The following EDARADD variants were observed in gnomAD, a reference collection of about 807,000 sequenced individuals.
EDARADD encodes EDAR associated via death domain.
In EDARADD, 20 loss-of-function variants were observed where a neutral mutation model predicts 25.6. The ratio of observed to expected loss-of-function variants is 0.78; its 90% CI spans 0.55 to 1.14. EDARADD has a LOEUF of 1.14. EDARADD is among the 50% of genes most tolerant of loss of function. The probability of loss-of-function intolerance (pLI) is 0.00; values close to 1 mark genes in which losing one functional copy is unlikely to be tolerated. For synonymous variants in EDARADD, 86 were observed against 94.4 expected (o/e 0.91, Z 0.52); for missense variants, 225 against 270.1 (o/e 0.83, Z 1.17).
chr1:236,383,588 C>A (rs957376991), intron 3 of EDARADD, among the ~76,000 whole-genome samples: 2 of 152,056 alleles, frequency 1.3e-5, no homozygotes, highest in African/African-American at 4.8e-5. Flanking sequence ...GTTACTCTAT[C>A]TTGGTTGCAA....
At chr1:236,475,890 A>G (rs1222914257) in intron 5 of EDARADD, among the ~76,000 whole-genome samples, 1 of 152,292 alleles carries the variant, frequency 6.6e-6, no homozygotes, top group East Asian at 1.9e-4. Flanking sequence ...TCATAAACTC[A>G]GTTTAAAGAA....
chr1:236,401,899 G>A (rs1667618022), intron 1 of EDARADD, among the ~76,000 whole-genome samples: 2 of 152,224 alleles, frequency 1.3e-5, no homozygotes. Context: ...TATAAAAAGG[G>A]GAAATGGGAC....
In EDARADD at chr1:236,484,704, C is replaced by T; in HGVS notation, c.*2055C>T. 4.1e-6 allele frequency: 1 copy of T among 241,644 alleles called. No individual in the cohort carries two copies. Among genetic ancestry groups the T allele is most frequent in the South Asian group, 8.7e-5 (1 of 11,490 alleles). The allele number at this position is 241,644 out of a possible 1,614,324, so 15.0% of individuals were successfully genotyped here. On this transcript the variant is annotated 3_prime_UTR_variant, in exon 6 of 6. Coordinates refer to ENST00000334232, the MANE Select transcript of EDARADD (RefSeq NM_145861.4). The surrounding 1 kb of genome is among the most constrained non-coding windows in gnomAD (Gnocchi z 4.1). ...GTCTGGAGACAGAGTGAGAGTCCGT[C>T]CCAGAAAAAAAAAAAAAAAAAAAGA... is the stretch of plus-strand genomic sequence containing the variant.
intron 5 of EDARADD, among the ~76,000 whole-genome samples, chr1:236,476,065 G>A (rs796711182): frequency 5.3e-5 from 8 of 152,178 alleles, no homozygotes; most frequent in African/African-American, 9.6e-5. Context: ...GTTGGCTGGC[G>A]CCTGTAATCT....
intron 5 of EDARADD, among the ~76,000 whole-genome samples, chr1:236,480,135 A>ATC (rs1553271638): frequency 7.4e-6 from 1 of 135,536 alleles, no homozygotes; most frequent in Non-Finnish European, 1.6e-5. Flanking sequence ...ATATATATAT[A>ATC]TCACATTTTC....
chr1:236,383,168 A>G (rs1667319976), intron 3 of EDARADD, among the ~76,000 whole-genome samples: 2 of 151,998 alleles, frequency 1.3e-5, no homozygotes, highest in Admixed American at 6.6e-5. Context: ...GCCAAGATGG[A>G]CATATCACCT....
chr1:236,390,379 C>A (rs770735154), upstream of EDARADD, among the ~76,000 whole-genome samples: 59 of 152,154 alleles, frequency 3.9e-4, no homozygotes, highest in Admixed American at 1.2e-3. Flanking sequence ...CACGGTGAAA[C>A]CCCATCTCTA....
intron 4 of EDARADD, among the ~76,000 whole-genome samples, chr1:236,436,171 T>C (rs1215972046): frequency 6.6e-6 from 1 of 151,886 alleles, no homozygotes; most frequent in Admixed American, 6.6e-5. Flanking sequence ...TTTCCTTTTT[T>C]TTTTTAGATG....
At chr1:236,468,152 TTAAC>T (rs1375391590) in intron 4 of EDARADD, 75 bp from the exon 5 acceptor site, 2 of 1,464,070 alleles carry the variant, frequency 1.4e-6, no homozygotes, top group Admixed American at 3.4e-5. Flanking sequence ...TGGTGGAAAT[TTAAC>T]TAAGTTGGAA....
intron 4 of EDARADD, among the ~76,000 whole-genome samples, chr1:236,461,112 G>A (rs1044436965): frequency 2.0e-5 from 3 of 152,070 alleles, no homozygotes; most frequent in Non-Finnish European, 4.4e-5. Flanking sequence ...ATGAGCCACC[G>A]TGCCCAGCCT....
intron 4 of EDARADD, among the ~76,000 whole-genome samples, chr1:236,464,511 CAA>C (rs1257332601): frequency 7.1e-6 from 1 of 141,086 alleles, no homozygotes; most frequent in African/African-American, 2.6e-5. Flanking sequence ...CGGCTCAATG[CAA>C]CCTCCGCCTC....
At chr1:236,360,168 A>T (rs1667029366) in intron 3 of EDARADD, among the ~76,000 whole-genome samples, 2 of 152,088 alleles carry the variant, frequency 1.3e-5, no homozygotes, top group Admixed American at 1.3e-4. Context: ...AAAATTAAAA[A>T]AAAATTAGTT....
At chr1:236,363,785 C>A (rs1667081790) in intron 3 of EDARADD, among the ~76,000 whole-genome samples, 1 of 152,160 alleles carries the variant, frequency 6.6e-6, no homozygotes, top group Admixed American at 6.5e-5. Context: ...TTCCTGAGGC[C>A]TCCCTAGAAG....
At chr1:236,467,425 C>T (rs1022543451) in intron 4 of EDARADD, among the ~76,000 whole-genome samples, 86 of 47,280 alleles carry the variant, frequency 1.8e-3, no homozygotes, top group Non-Finnish European at 2.0e-3. Context: ...CACACACACG[C>T]GCACACACAC....
At position 236,484,532 on chromosome 1, in the gene EDARADD, C is replaced by A; in HGVS notation, c.*1883C>A. ...AATTAGACCCCTCCCCTTGTGTCAA[C>A]TCCGGCAGCTCAAGACCCCCGAGCA... On this transcript the variant is annotated 3_prime_UTR_variant, in exon 6 of 6. Transcript: ENST00000334232. This position sits in a 1 kb window ranked among gnomAD's most constrained non-coding sequence, Gnocchi z 4.1. The A allele has an allele frequency of 7.3e-7, 1 of 1,361,196 alleles. No homozygotes were observed. The highest frequency in any genetic ancestry group is 1.0e-6 in the Non-Finnish European group (1 of 966,510). 84.3% of individuals were successfully genotyped at this position (1,361,196 alleles called of 1,614,324 possible). A position where few individuals can be genotyped will look rare whatever the true frequency, so the allele number is the denominator to read the frequency against.
intron 4 of EDARADD, among the ~76,000 whole-genome samples, chr1:236,467,453 CACAT>C (rs776178206): frequency 0.024 from 3,560 of 149,240 alleles, 122 homozygotes; most frequent in East Asian, 0.18. Flanking sequence ...CACACACACA[CACAT>C]ACACACACCT....
chr1:236,446,410 G>A (rs1658539606), intron 4 of EDARADD, among the ~76,000 whole-genome samples: 2 of 152,094 alleles, frequency 1.3e-5, no homozygotes, highest in South Asian at 2.1e-4. Flanking sequence ...AATTTAGCTG[G>A]GGATGGTGGC....
chr1:236,393,499 G>A (rs60596366), upstream of EDARADD, among the ~76,000 whole-genome samples: 243 of 138,442 alleles, frequency 1.8e-3, no homozygotes, highest in African/African-American at 6.1e-3. Flanking sequence ...AGGTTCAAGC[G>A]ATTCTTTTGC....
At position 236,395,580 on chromosome 1, in the gene EDARADD, G is replaced by A. The variant is rs1667500416; in HGVS notation, c.61+1075G>A. 6.5e-7 allele frequency: 1 copy of A among 1,545,816 alleles called. No individual in the cohort carries two copies. The highest frequency in any genetic ancestry group is 8.7e-7 in the Non-Finnish European group (1 of 1,147,834). ...TGGTCCCACGGTCCTCCCGCGCCCC[G>A]GAGGCCTGCCAGCCCCGCTCGGACG... On this transcript the variant is annotated intron_variant, in intron 1 of 5. Coordinates refer to ENST00000334232, the MANE Select transcript of EDARADD (RefSeq NM_145861.4). This position sits in a 1 kb window ranked among gnomAD's most constrained non-coding sequence, Gnocchi z 6.9.
Sources: gnomAD v4.1 joint callset for allele counts (sites outside exome capture counted in the v4.1 genomes callset) on GRCh38, gnomAD v4.1.1 for gene constraint, Gnocchi (gnomAD v3.1) non-coding constraint, MANE v1.5 for transcripts, NCBI Gene and HGNC (gene_info 2026-07-23, HGNC 2026-07-21) for gene names.